ROBO1: variants seen among roughly 807,000 people sequenced by gnomAD.
ROBO1 encodes roundabout guidance receptor 1, also known as roundabout homolog 1.
Under a neutral mutation model 195.9 loss-of-function variants are expected in ROBO1, and 149 were observed. The ratio of observed to expected loss-of-function variants is 0.76; its 90% CI spans 0.67 to 0.87. The LOEUF is 0.87. Ranked by LOEUF, ROBO1 falls within the 40% of genes least tolerant of loss-of-function variation. The pLI is 0.00. For synonymous variants in ROBO1, 816 were observed against 733.2 expected (o/e 1.11, Z -1.82); for missense variants, 1,933 against 2,068.3 (o/e 0.93, Z 1.27).
rs568145576 is a variant in ROBO1 at position 79,418,015 on chromosome 3, C to T, written c.88+171809G>A. Among the ~76,000 whole-genome samples, 36 of 152,174 alleles carry T rather than the reference C, an allele frequency of 2.4e-4. No homozygotes were observed. The South Asian group carries it at 7.5e-3, about 32-fold the overall frequency. ...TCATAAGATAGATAGCCCTATGAAGCCCCTAGCACAGCACTGGACACATTG... is the reference window on the plus strand; with the variant it reads ...TCATAAGATAGATAGCCCTATGAAGTCCCTAGCACAGCACTGGACACATTG... On this transcript the variant is annotated intron_variant, in intron 2 of 30. Transcript: ENST00000464233.
intron 4 of ROBO1, among the ~76,000 whole-genome samples, chr3:78,856,902 A>G (rs566571565): frequency 6.6e-6 from 1 of 151,364 alleles, no homozygotes; most frequent in Admixed American, 6.6e-5. Context: ...TATTTTCTCT[A>G]ATACTAACAA....
At chr3:79,403,619 T>G (rs2037442798) in intron 2 of ROBO1, among the ~76,000 whole-genome samples, 1 of 152,078 alleles carries the variant, frequency 6.6e-6, no homozygotes, top group Admixed American at 6.6e-5. Context: ...TTTACCCTAC[T>G]TTTGGGGATT....
intron 1 of ROBO1, among the ~76,000 whole-genome samples, chr3:79,702,610 C>G (rs987269115): frequency 6.6e-6 from 1 of 151,772 alleles, no homozygotes; most frequent in African/African-American, 2.4e-5. Context: ...AAGAGATAGG[C>G]ATTATTGTGC....
intron 4 of ROBO1, among the ~76,000 whole-genome samples, chr3:78,764,619 T>C (rs937747263): frequency 6.6e-6 from 1 of 152,150 alleles, no homozygotes; most frequent in African/African-American, 2.4e-5. Context: ...AAGAGAACTA[T>C]CTTAATATAG....
At chr3:79,696,390 T>A (rs1947449289) in intron 1 of ROBO1, among the ~76,000 whole-genome samples, 1 of 150,382 alleles carries the variant, frequency 6.6e-6, no homozygotes, top group Non-Finnish European at 1.5e-5. Context: ...AATAAGAAAT[T>A]ATATTTAGGA....
At chr3:79,693,745 G>A (rs993511808) in intron 1 of ROBO1, among the ~76,000 whole-genome samples, 2 of 151,526 alleles carry the variant, frequency 1.3e-5, no homozygotes, top group Non-Finnish European at 3.0e-5. Context: ...ACCCTGATTT[G>A]CTTTTTTATG....
chr3:78,822,219 A>G (rs998132495), intron 4 of ROBO1, among the ~76,000 whole-genome samples: 2 of 152,108 alleles, frequency 1.3e-5, no homozygotes, highest in Non-Finnish European at 2.9e-5. Context: ...AAAGTCAAAG[A>G]TATTTGTAAA....
chr3:79,078,654 G>A (rs2079217347), intron 3 of ROBO1, among the ~76,000 whole-genome samples: 2 of 151,768 alleles, frequency 1.3e-5, no homozygotes, highest in Admixed American at 1.3e-4. Context: ...AAAATACTGT[G>A]GTAAAACGTC....
chr3:79,660,276 C>G (rs558391539), intron 1 of ROBO1, among the ~76,000 whole-genome samples: 1 of 151,428 alleles, frequency 6.6e-6, no homozygotes, highest in East Asian at 2.0e-4. Context: ...GTGGAAGTCA[C>G]GACTAAAATG....
rs566503575 is a variant in ROBO1 at position 78,948,000 on chromosome 3, A to G, written c.173-9073T>C. Among the ~76,000 whole-genome samples the G allele has an allele frequency of 1.4e-4, 21 of 152,338 alleles. 1 individual carries two copies. The highest frequency in any genetic ancestry group is 5.1e-4 in the African/African-American group (21 of 41,576). The stretch of plus-strand genomic sequence containing the variant: ...AGAAGTTGAATCTCTGAATAGACCA[A>G]TAACAGGCTCTGAAATTGAGGCAAT... On this transcript the variant is annotated intron_variant, in intron 3 of 30. Transcript: ENST00000464233.
chr3:79,126,835 C>T lies in ROBO1; in HGVS notation c.89-1296G>A, dbSNP rs141624433. ...CACTAGCTAGGTCAACATATTTTGT[C>T]TTAGACACAGCTATTCAGGGATGAT... On this transcript the variant is annotated intron_variant, in intron 2 of 30. Transcript: ENST00000464233. 5.4e-3 allele frequency among the ~76,000 whole-genome samples: 815 copies of T among 152,096 alleles called. 11 individuals carry two copies. Among genetic ancestry groups the T allele is most frequent in the African/African-American group, 0.019 (779 of 41,478 alleles).
At position 79,135,295 on chromosome 3, in the gene ROBO1, C is replaced by T. The variant is rs557898122; in HGVS notation, c.89-9756G>A. 8.5e-5 allele frequency among the ~76,000 whole-genome samples: 13 copies of T among 152,204 alleles called. No homozygotes were observed. In the East Asian group the frequency reaches 2.1e-3, roughly 25 times the overall value. Reference sequence around the variant, plus strand: ...TGCTAACTTGGAAGTAAAAAATACACTTTGATAATTGATAGATCAGACAGT... The same window carrying T: ...TGCTAACTTGGAAGTAAAAAATACATTTTGATAATTGATAGATCAGACAGT... On this transcript the variant is annotated intron_variant, in intron 2 of 30. Transcript: ENST00000464233.
chr3:78,929,993 T>TC (rs1478060399), intron 4 of ROBO1, among the ~76,000 whole-genome samples: 1 of 152,008 alleles, frequency 6.6e-6, no homozygotes, highest in African/African-American at 2.4e-5. Context: ...TCAGCTAAAT[T>TC]CCCCAAGTAA....
intron 4 of ROBO1, among the ~76,000 whole-genome samples, chr3:78,761,854 T>A (rs2108371412): frequency 6.6e-6 from 1 of 152,254 alleles, no homozygotes; most frequent in African/African-American, 2.4e-5. Context: ...ATTCATTAAG[T>A]TTTGACTTCT....
chr3:78,947,559 C>T (rs571129331), intron 3 of ROBO1, among the ~76,000 whole-genome samples: 1 of 152,170 alleles, frequency 6.6e-6, no homozygotes, highest in South Asian at 2.1e-4. Flanking sequence ...TAAATGCCCA[C>T]AAGGAAAAGT....
chr3:79,283,762 A>T (rs1352321277), intron 2 of ROBO1, among the ~76,000 whole-genome samples: 2 of 148,488 alleles, frequency 1.3e-5, no homozygotes, highest in African/African-American at 5.0e-5. Flanking sequence ...CAGTGGCGCG[A>T]TCTCCGCTCA....
intron 2 of ROBO1, among the ~76,000 whole-genome samples, chr3:79,325,472 G>T (rs1056229917): frequency 2.0e-5 from 3 of 152,110 alleles, no homozygotes; most frequent in African/African-American, 7.2e-5. Context: ...TCATTGTCAA[G>T]ATTATTTTCT....
At chr3:79,297,484 G>A (rs566622680) in intron 2 of ROBO1, among the ~76,000 whole-genome samples, 1 of 152,252 alleles carries the variant, frequency 6.6e-6, no homozygotes, top group Non-Finnish European at 1.5e-5. Flanking sequence ...ATCATGGTAT[G>A]TAACCAGATC....
intron 29 of ROBO1, among the ~76,000 whole-genome samples, chr3:78,605,630 C>T (rs147222512): frequency 1.5e-4 from 23 of 152,312 alleles, no homozygotes; most frequent in Non-Finnish European, 2.6e-4. Context: ...AACCTTTCTC[C>T]TCACCTTTAA....
Sources: gnomAD v4.1 joint callset for allele counts (sites outside exome capture counted in the v4.1 genomes callset) on GRCh38, gnomAD v4.1.1 for gene constraint, MANE v1.5 for transcripts, NCBI Gene and HGNC (gene_info 2026-07-23, HGNC 2026-07-21) for gene names.